The following RGS7 variants were observed in gnomAD, a reference collection of about 807,000 sequenced individuals.
RGS7 encodes the protein regulator of G protein signaling 7.
RGS7 carries 27 observed loss-of-function variants against 81.1 expected under a neutral mutation model. That is an observed-to-expected ratio of 0.33 (90% CI 0.25 to 0.46). The LOEUF is 0.46. Among genes scored for constraint, RGS7 ranks in the 20% least tolerant of loss-of-function variants. RGS7 has a pLI of 1.00. For missense variants in RGS7, 396 were observed against 607.4 expected, an observed-to-expected ratio of 0.65 and a Z score of 3.66; for synonymous variants, 208 against 207.7, an observed-to-expected ratio of 1.00 and a Z score of -0.01.
At chr1:240,993,665 C>A (rs900519529) in intron 3 of RGS7, among the ~76,000 whole-genome samples, 1 of 151,566 alleles carries the variant, frequency 6.6e-6, no homozygotes, top group Non-Finnish European at 1.5e-5. Context: ...GTTGTTCCAC[C>A]CTCTTCACAA....
intron 6 of RGS7, among the ~76,000 whole-genome samples, chr1:240,889,042 A>G (rs1307236593): frequency 6.6e-6 from 1 of 151,794 alleles, no homozygotes; most frequent in Non-Finnish European, 1.5e-5. Context: ...TGCAACCTCC[A>G]CCTCCCGGGT....
At chr1:241,004,998 C>T (rs1237922640) in intron 3 of RGS7, among the ~76,000 whole-genome samples, 1 of 152,128 alleles carries the variant, frequency 6.6e-6, no homozygotes, top group Non-Finnish European at 1.5e-5. Context: ...CCCAACAATT[C>T]CAACGTGGTA....
intron 2 of RGS7, among the ~76,000 whole-genome samples, chr1:241,121,710 C>CTTGTTT (rs2066269300): frequency 1.5e-5 from 1 of 66,410 alleles, no homozygotes; most frequent in Admixed American, 2.2e-4. Context: ...TGCAATTGTT[C>CTTGTTT]TTTTTTTTTT....
In RGS7 at chr1:240,883,334, A is replaced by C. The variant is rs1245484799; in HGVS notation, c.386-13215T>G. Among the ~76,000 whole-genome samples, 11 of 152,192 alleles carry C rather than the reference A, an allele frequency of 7.2e-5. No individual in the cohort carries two copies. The South Asian group carries it at 2.1e-3, about 29-fold the overall frequency. ...ACCCTAAAACTTAAAGTATAATAAT[A>C]ATAAAAATTTTTTAAAAAAACAAAA... On this transcript the variant is annotated intron_variant, in intron 6 of 18. Transcript: ENST00000440928.
At chr1:241,327,019 G>A (rs2081545326) in intron 2 of RGS7, among the ~76,000 whole-genome samples, 1 of 15,832 alleles carries the variant, frequency 6.3e-5, no homozygotes, top group East Asian at 1.7e-3. Flanking sequence ...AGGAAGGAAG[G>A]AAGGAAGGAA....
At chr1:240,974,072 C>G (rs184669927) in intron 4 of RGS7, among the ~76,000 whole-genome samples, 223 of 152,274 alleles carry the variant, frequency 1.5e-3, no homozygotes, top group African/African-American at 5.3e-3. Context: ...ATGACAGACT[C>G]TATAATGGTG....
At chr1:241,100,932 C>G (rs561647661) in intron 2 of RGS7, among the ~76,000 whole-genome samples, 8 of 152,286 alleles carry the variant, frequency 5.3e-5, no homozygotes, top group African/African-American at 1.9e-4. Flanking sequence ...GCTGAGCTGA[C>G]TTATCAGACA....
chr1:240,829,541 T>C lies in RGS7; in HGVS notation c.610-2369A>G, dbSNP rs186096310. On this transcript the variant is annotated intron_variant, in intron 9 of 18. Transcript: ENST00000440928. ...TAAAGGATCGAGTTTTCACTTTCCA[T>C]TCGATTTCTATTTCTTTGCAGCCTT... Among the ~76,000 whole-genome samples, 34 of 152,296 alleles carry C rather than the reference T, an allele frequency of 2.2e-4. No homozygotes were observed. In the East Asian group the frequency reaches 5.6e-3, roughly 25 times the overall value.
At chr1:240,814,493 T>C (rs375477852) in intron 12 of RGS7, among the ~76,000 whole-genome samples, 1 of 152,244 alleles carries the variant, frequency 6.6e-6, no homozygotes, top group Non-Finnish European at 1.5e-5. Flanking sequence ...AAGGACTGGA[T>C]GTCTAGACAT....
chr1:241,030,061 A>C (rs2059988977), intron 3 of RGS7, among the ~76,000 whole-genome samples: 2 of 152,088 alleles, frequency 1.3e-5, no homozygotes, highest in Non-Finnish European at 2.9e-5. Flanking sequence ...ATTTGATTAA[A>C]CTATTACACT....
chr1:241,208,829 GATAA>G (rs1389806844), intron 2 of RGS7, among the ~76,000 whole-genome samples: 6 of 152,142 alleles, frequency 3.9e-5, no homozygotes, highest in Non-Finnish European at 7.3e-5. Context: ...CTTAAGAGAT[GATAA>G]ATACAATTAA....
chr1:240,897,379 T>C (rs1194583072), intron 6 of RGS7, among the ~76,000 whole-genome samples: 1 of 152,188 alleles, frequency 6.6e-6, no homozygotes, highest in African/African-American at 2.4e-5. Context: ...AGGGAATGCT[T>C]CCAGTTTTTG....
At chr1:241,219,626 C>T (rs569215704) in intron 2 of RGS7, among the ~76,000 whole-genome samples, 3 of 152,180 alleles carry the variant, frequency 2.0e-5, no homozygotes, top group East Asian at 3.9e-4. Context: ...CCCATTAGTA[C>T]CAATCAGGGA....
chr1:241,008,047 C>T (rs11806966), intron 3 of RGS7, among the ~76,000 whole-genome samples: 13,951 of 152,168 alleles, frequency 0.092, 658 homozygotes, highest in African/African-American at 0.11. Flanking sequence ...GCCTTTTCTG[C>T]CTCCACACCT....
intron 2 of RGS7, among the ~76,000 whole-genome samples, chr1:241,156,551 TGGAAAGGGGAA>T (rs977801350): frequency 4.3e-5 from 5 of 116,984 alleles, no homozygotes; most frequent in African/African-American, 1.6e-4. Context: ...AGATGATAGA[TGGAAAGGGGAA>T]GGAAAGGGAA....
At chr1:240,785,912 A>G (rs1684984339) in intron 18 of RGS7, among the ~76,000 whole-genome samples, 1 of 152,206 alleles carries the variant, frequency 6.6e-6, no homozygotes, top group South Asian at 2.1e-4. Context: ...GTTAAAGATA[A>G]GCTCGAATTC....
chr1:240,823,274 C>G (rs1692140326), intron 10 of RGS7: 1 of 634,472 alleles, frequency 1.6e-6, no homozygotes, highest in Non-Finnish European at 2.9e-6. Flanking sequence ...TCTCCACTTC[C>G]GACACTGGCC....
At chr1:241,028,063 C>T (rs2059882093) in intron 3 of RGS7, among the ~76,000 whole-genome samples, 1 of 152,184 alleles carries the variant, frequency 6.6e-6, no homozygotes, top group African/African-American at 2.4e-5. Context: ...TACTGGGCAT[C>T]AGCCATGTTG....
At chr1:240,779,800 T>C (rs10926354) in intron 18 of RGS7, among the ~76,000 whole-genome samples, 116,337 of 152,142 alleles carry the variant, frequency 0.76, 44,808 homozygotes, top group African/African-American at 0.81. Context: ...TTGCTTAAAA[T>C]TATTTATGGA....
Sources: allele counts gnomAD v4.1 joint callset (sites outside exome capture counted in the v4.1 genomes callset), GRCh38; gene constraint gnomAD v4.1.1; transcripts MANE v1.5; gene names NCBI Gene and HGNC (gene_info 2026-07-23, HGNC 2026-07-21).